Variants in ERC2 observed in about 807,000 individuals in gnomAD.
The protein encoded by ERC2 is ERC protein 2.
In ERC2, 42 loss-of-function variants were observed where a neutral mutation model predicts 114.8. That is an observed-to-expected ratio of 0.37 (90% CI 0.29 to 0.47). The LOEUF is 0.47. Among genes scored for constraint, ERC2 ranks in the 20% least tolerant of loss-of-function variants. ERC2 has a pLI of 0.99. For synonymous variants in ERC2, 454 were observed against 425.5 expected (o/e 1.07, Z -0.82); for missense variants, 939 against 1,150.7 (o/e 0.82, Z 2.66).
At chr3:56,011,892 T>C (rs1167302775) in intron 8 of ERC2, among the ~76,000 whole-genome samples, 2 of 152,300 alleles carry the variant, frequency 1.3e-5, no homozygotes, top group East Asian at 3.9e-4. Flanking sequence ...TAGCCTGTGA[T>C]TTAAGATCCC....
At chr3:56,098,214 G>C (rs1039906235) in intron 6 of ERC2, among the ~76,000 whole-genome samples, 3 of 152,202 alleles carry the variant, frequency 2.0e-5, no homozygotes, top group Non-Finnish European at 4.4e-5. Context: ...TTTGCGCAAA[G>C]ACAAGTAAGG....
At chr3:55,938,926 C>T (rs1312087981) in intron 13 of ERC2, among the ~76,000 whole-genome samples, 1 of 152,030 alleles carries the variant, frequency 6.6e-6, no homozygotes, top group Non-Finnish European at 1.5e-5. Flanking sequence ...CACACCTTCC[C>T]CCAAAACAGT....
chr3:56,121,602 T>A (rs909482214), intron 6 of ERC2, among the ~76,000 whole-genome samples: 1 of 152,200 alleles, frequency 6.6e-6, no homozygotes, highest in African/African-American at 2.4e-5. Flanking sequence ...AGTTAAATAT[T>A]TTTTCTTCTT....
chr3:55,667,543 A>C (rs9844301), intron 17 of ERC2, among the ~76,000 whole-genome samples: 97,207 of 151,476 alleles, frequency 0.64, 31,276 homozygotes, highest in Admixed American at 0.68. Flanking sequence ...CTGAGACTGC[A>C]TGCTGCAGCT....
intron 17 of ERC2, among the ~76,000 whole-genome samples, chr3:55,513,850 G>T (rs936465719): frequency 6.6e-6 from 1 of 151,800 alleles, no homozygotes; most frequent in South Asian, 2.1e-4. Flanking sequence ...GCCCAGGCTC[G>T]TCTCAAACTC....
chr3:55,873,740 T>C (rs1365768729), intron 14 of ERC2, among the ~76,000 whole-genome samples: 1 of 152,088 alleles, frequency 6.6e-6, no homozygotes, highest in Non-Finnish European at 1.5e-5. Flanking sequence ...CATAGGCAGA[T>C]CCTCTCTTAT....
chr3:56,212,533 G>A (rs1410138941), intron 3 of ERC2, among the ~76,000 whole-genome samples: 2 of 152,158 alleles, frequency 1.3e-5, no homozygotes, highest in Non-Finnish European at 2.9e-5. Flanking sequence ...AACCACTGTG[G>A]AAAACAGTGT....
chr3:56,317,579 T>G (rs1237243394), intron 2 of ERC2, among the ~76,000 whole-genome samples: 2 of 152,200 alleles, frequency 1.3e-5, no homozygotes, highest in East Asian at 3.8e-4. Context: ...AAACTAAAAT[T>G]GCCTGCAAAT....
chr3:56,244,965 A>G (rs1467065776), intron 3 of ERC2, among the ~76,000 whole-genome samples: 1 of 152,104 alleles, frequency 6.6e-6, no homozygotes, highest in Non-Finnish European at 1.5e-5. Flanking sequence ...ATTGTGTTAC[A>G]GTTGCCTGCA....
At chr3:55,607,657 A>G (rs1243077659) in intron 17 of ERC2, among the ~76,000 whole-genome samples, 3 of 151,376 alleles carry the variant, frequency 2.0e-5, no homozygotes, top group Admixed American at 6.6e-5. Flanking sequence ...AAAAAAAACA[A>G]TAATGCAGAG....
chr3:56,215,493 T>G (rs927745216), intron 3 of ERC2, among the ~76,000 whole-genome samples: 1 of 152,156 alleles, frequency 6.6e-6, no homozygotes, highest in African/African-American at 2.4e-5. Flanking sequence ...ATTCATAAAG[T>G]AAGTCCTTAG....
At chr3:56,440,904 A>T (rs1486391861) in intron 1 of ERC2, among the ~76,000 whole-genome samples, 3 of 152,190 alleles carry the variant, frequency 2.0e-5, no homozygotes, top group Non-Finnish European at 4.4e-5. Flanking sequence ...GAGCCTCCAA[A>T]GATGGCCATC....
intron 7 of ERC2, among the ~76,000 whole-genome samples, chr3:56,030,064 T>C (rs2074285884): frequency 6.6e-6 from 1 of 152,176 alleles, no homozygotes; most frequent in Non-Finnish European, 1.5e-5. Context: ...ACTTCATCTT[T>C]CGACTATGGG....
chr3:55,555,542 G>A (rs915751475), intron 17 of ERC2, among the ~76,000 whole-genome samples: 1 of 152,206 alleles, frequency 6.6e-6, no homozygotes, highest in Non-Finnish European at 1.5e-5. Flanking sequence ...AAATTAGGCT[G>A]CCCAGCAAAA....
intron 15 of ERC2, among the ~76,000 whole-genome samples, chr3:55,710,661 C>G (rs1266404657): frequency 2.0e-5 from 3 of 152,114 alleles, no homozygotes; most frequent in African/African-American, 7.2e-5. Flanking sequence ...TGAATCTGAA[C>G]AAAAATAGAT....
chr3:55,876,236 G>T (rs1169026054), intron 14 of ERC2, among the ~76,000 whole-genome samples: 4 of 152,112 alleles, frequency 2.6e-5, no homozygotes, highest in African/African-American at 7.2e-5. Flanking sequence ...TTCATCCTTA[G>T]GGTTGAGACT....
intron 2 of ERC2, among the ~76,000 whole-genome samples, chr3:56,409,910 C>T (rs1296548621): frequency 6.6e-5 from 10 of 152,194 alleles, no homozygotes; most frequent in Admixed American, 6.5e-4. Flanking sequence ...CTAGAAAGTG[C>T]TGAGGCAAGA....
intron 17 of ERC2, among the ~76,000 whole-genome samples, chr3:55,533,257 A>G (rs1202254738): frequency 6.6e-6 from 1 of 152,208 alleles, no homozygotes; most frequent in African/African-American, 2.4e-5. Flanking sequence ...GCTGAGTCCA[A>G]GAAGGGCTCA....
chr3:55,964,443 T>C (rs2068604574), intron 12 of ERC2, among the ~76,000 whole-genome samples: 1 of 117,078 alleles, frequency 8.5e-6, no homozygotes, highest in African/African-American at 3.2e-5. Context: ...ACATTCCCTT[T>C]TGAAAGCTAC....
Sources: allele counts gnomAD v4.1 joint callset (sites outside exome capture counted in the v4.1 genomes callset), GRCh38; gene constraint gnomAD v4.1.1; transcripts MANE v1.5; gene names NCBI Gene and HGNC (gene_info 2026-07-23, HGNC 2026-07-21).